Variants in PAK3 observed in about 807,000 individuals in gnomAD.
PAK3 encodes serine/threonine-protein kinase PAK 3.
PAK3 carries 4 observed loss-of-function variants against 41.0 expected under a neutral mutation model. The observed-to-expected ratio is 0.10, with a 90% CI of 0.05 to 0.22. The LOEUF is 0.22. Among genes scored for constraint, PAK3 ranks in the 10% least tolerant of loss-of-function variants. PAK3 has a pLI of 1.00. For missense variants in PAK3, 205 were observed against 409.9 expected (o/e 0.50, Z 4.32); for synonymous variants, 146 against 139.6 (o/e 1.05, Z -0.32).
chrX:111,064,280 TTTA>T (rs1177791777), intron 1 of PAK3, among the ~76,000 whole-genome samples: 5 of 111,880 alleles, frequency 4.5e-5, no homozygotes, highest in African/African-American at 6.5e-5. Context: ...TTACTTATTT[TTTA>T]TTATTTTTAA....
intron 4 of PAK3, among the ~76,000 whole-genome samples, chrX:111,111,903 T>A (rs2093378960): frequency 9.0e-6 from 1 of 111,706 alleles, no homozygotes; most frequent in Non-Finnish European, 1.9e-5. Flanking sequence ...CAATGTCCAC[T>A]GTAGAGACCT....
At chrX:111,112,719 A>T (rs1424524017) in intron 4 of PAK3, among the ~76,000 whole-genome samples, 2 of 112,027 alleles carry the variant, frequency 1.8e-5, no homozygotes, top group Non-Finnish European at 3.8e-5. Flanking sequence ...AGCTAGAGTT[A>T]GTCATTCATT....
chrX:110,983,500 G>A (rs1329179170), intron 1 of PAK3, among the ~76,000 whole-genome samples: 1 of 97,725 alleles, frequency 1.0e-5, no homozygotes, highest in Non-Finnish European at 2.1e-5. Flanking sequence ...GAGGATGTGT[G>A]TGTTTGTGTG....
chrX:111,142,230 C>T (rs765704388), intron 6 of PAK3, 34 bp downstream of exon 6: 12 of 781,832 alleles, frequency 1.5e-5, no homozygotes, highest in Admixed American at 1.3e-4. Flanking sequence ...TTGTAAGCCA[C>T]GAAAGAATTC....
At chrX:111,128,951 G>A (rs1027442644) in intron 5 of PAK3, among the ~76,000 whole-genome samples, 1 of 111,511 alleles carries the variant, frequency 9.0e-6, no homozygotes, top group Non-Finnish European at 1.9e-5. Context: ...TTCTAAGTAA[G>A]AGTGTTCATA....
chrX:111,164,017 C>G (rs1398025818), intron 10 of PAK3, among the ~76,000 whole-genome samples: 1 of 112,067 alleles, frequency 8.9e-6, no homozygotes, highest in African/African-American at 3.2e-5. Context: ...AGAGAATAGT[C>G]TGATAAAATA....
chrX:111,175,328 T>G (rs150248203), intron 11 of PAK3, among the ~76,000 whole-genome samples: 1 of 111,931 alleles, frequency 8.9e-6, no homozygotes, highest in African/African-American at 3.2e-5. Context: ...TTTCAAAACC[T>G]TAGTATGAAA....
chrX:110,994,440 A>T (rs1433727688), intron 1 of PAK3, among the ~76,000 whole-genome samples: 21 of 111,275 alleles, frequency 1.9e-4, no homozygotes, highest in African/African-American at 6.9e-4. Flanking sequence ...TCTTGATAGG[A>T]GGCTGCAACC....
chrX:111,214,787 C>T (rs766842311), intron 16 of PAK3, among the ~76,000 whole-genome samples: 1 of 110,920 alleles, frequency 9.0e-6, no homozygotes, highest in Admixed American at 9.7e-5. Flanking sequence ...TGCAAAAGGA[C>T]TTTTACAGAA....
intron 5 of PAK3, among the ~76,000 whole-genome samples, chrX:111,137,310 G>A (rs1290292490): frequency 9.0e-6 from 1 of 111,564 alleles, no homozygotes; most frequent in Non-Finnish European, 1.9e-5. Context: ...CTTATCTAAG[G>A]AAGCGGTACC....
At chrX:111,205,429 G>A (rs1166753268) in intron 16 of PAK3, among the ~76,000 whole-genome samples, 3 of 111,215 alleles carry the variant, frequency 2.7e-5, no homozygotes, top group Non-Finnish European at 5.6e-5. Flanking sequence ...CATGTTTTGT[G>A]TGTTGTCTCT....
chrX:111,198,759 A>G (rs754684054), intron 16 of PAK3, among the ~76,000 whole-genome samples: 2 of 111,288 alleles, frequency 1.8e-5, no homozygotes, highest in South Asian at 7.7e-4. Flanking sequence ...AAGCCAGGTA[A>G]TATGATGCCT....
At chrX:111,145,992 G>T (rs938984750) in intron 6 of PAK3, among the ~76,000 whole-genome samples, 1 of 111,631 alleles carries the variant, frequency 9.0e-6, no homozygotes, top group Non-Finnish European at 1.9e-5. Flanking sequence ...ACATCAATGA[G>T]AATAAAATTC....
intron 16 of PAK3, among the ~76,000 whole-genome samples, chrX:111,205,365 T>C (rs1385943067): frequency 9.0e-6 from 1 of 111,204 alleles, no homozygotes; most frequent in Non-Finnish European, 1.9e-5. Flanking sequence ...ACTCTGATTC[T>C]GTGTCCTTTA....
At chrX:111,073,694 A>C (rs1157316403) in intron 1 of PAK3, among the ~76,000 whole-genome samples, 1 of 112,069 alleles carries the variant, frequency 8.9e-6, no homozygotes, top group Non-Finnish European at 1.9e-5. Flanking sequence ...ATGGTGAGTA[A>C]AGACATTGAA....
intron 11 of PAK3, 148 bp downstream of exon 11, chrX:111,173,229 C>A: frequency 2.2e-6 from 1 of 447,712 alleles, no homozygotes; most frequent in South Asian, 3.6e-5. Context: ...ATTGGCCTTT[C>A]AGGGGGAGTG....
intron 4 of PAK3, among the ~76,000 whole-genome samples, chrX:111,105,531 C>T (rs773733411): frequency 2.7e-5 from 3 of 111,863 alleles, no homozygotes; most frequent in East Asian, 2.8e-4. Flanking sequence ...GGGACACAAA[C>T]GTGCATACAT....
At chrX:111,052,041 A>C (rs1298593672) in intron 1 of PAK3, among the ~76,000 whole-genome samples, 2 of 112,165 alleles carry the variant, frequency 1.8e-5, no homozygotes, top group African/African-American at 6.5e-5. Flanking sequence ...TAAGGCTTCC[A>C]GTTGGCCTGT....
At chrX:111,215,349 G>T (rs1013893980) in intron 16 of PAK3, among the ~76,000 whole-genome samples, 3 of 110,778 alleles carry the variant, frequency 2.7e-5, no homozygotes, top group Non-Finnish European at 5.7e-5. Flanking sequence ...ATTTAAGTTC[G>T]GGAGTTCAAG....
Sources: gnomAD v4.1 joint callset for allele counts (sites outside exome capture counted in the v4.1 genomes callset) on GRCh38, gnomAD v4.1.1 for gene constraint, MANE v1.5 for transcripts, NCBI Gene and HGNC (gene_info 2026-07-23, HGNC 2026-07-21) for gene names.